PRR33: variants seen among roughly 807,000 people sequenced by gnomAD.
PRR33 encodes proline-rich protein 33.
PRR33 carries 1 observed loss-of-function variant against 0.5 expected under a neutral mutation model. The ratio of observed to expected loss-of-function variants is 2.18; its 90% confidence interval spans 0.77 to 10.34. PRR33 has a LOEUF of 10.34. Among genes scored for constraint, PRR33 ranks in the 30% most tolerant of loss-of-function variants. The pLI, the probability that PRR33 is intolerant of heterozygous loss-of-function variation, is 0.13. For missense variants in PRR33, 552 were observed against 251.8 expected, an observed-to-expected ratio of 2.19 and a Z score of -8.07; for synonymous variants, 226 against 110.0, an observed-to-expected ratio of 2.06 and a Z score of -6.60.
chr11:1,889,549 T>A, the PRR33 span: 1 of 612,678 alleles, frequency 1.6e-6, no homozygotes, highest in Non-Finnish European at 3.0e-6. Flanking sequence ...AGCAGCTGCT[T>A]CTTGAGCCAC....
upstream of PRR33, among the ~76,000 whole-genome samples, chr11:1,893,445 C>CTGGA (rs573701664): frequency 1.2e-3 from 169 of 141,338 alleles, 2 homozygotes; most frequent in East Asian, 7.7e-3. Flanking sequence ...GGCTGGCTGG[C>CTGGA]TGGCTGGATG....
At chr11:1,909,039 CATAA>C in the PRR33 span, among the ~76,000 whole-genome samples, 1,471 of 152,324 alleles carry the variant, frequency 9.7e-3, 18 homozygotes, top group African/African-American at 0.033. Flanking sequence ...TGCCAGTAGG[CATAA>C]ATAAAGTTAG....
the PRR33 span, among the ~76,000 whole-genome samples, chr11:1,900,190 G>T: frequency 2.6e-5 from 4 of 152,102 alleles, no homozygotes; most frequent in African/African-American, 7.2e-5. Context: ...CTTGATGCTG[G>T]ACTTATATCT....
At chr11:1,910,265 T>A in the PRR33 span, among the ~76,000 whole-genome samples, 86 of 152,322 alleles carry the variant, frequency 5.6e-4, no homozygotes, top group Middle Eastern at 6.8e-3. Flanking sequence ...GTGTTTTTTT[T>A]TTGAGACGGA....
chr11:1,911,945 G>T, the PRR33 span, among the ~76,000 whole-genome samples: 8 of 140,948 alleles, frequency 5.7e-5, no homozygotes, highest in South Asian at 1.4e-3. Flanking sequence ...AGGATCACTT[G>T]AGGCCTGGAG....
the PRR33 span, among the ~76,000 whole-genome samples, chr11:1,906,271 T>C: frequency 6.6e-6 from 1 of 152,196 alleles, no homozygotes; most frequent in Non-Finnish European, 1.5e-5. Context: ...TGCCTCCTTT[T>C]GCGTTCATGA....
the PRR33 span, among the ~76,000 whole-genome samples, chr11:1,899,634 C>A: frequency 1.3e-5 from 2 of 152,140 alleles, no homozygotes; most frequent in Non-Finnish European, 2.9e-5. Flanking sequence ...ACCTGCAACA[C>A]CCTTGACCAA....
At chr11:1,897,253 G>A in the PRR33 span, among the ~76,000 whole-genome samples, 5 of 152,282 alleles carry the variant, frequency 3.3e-5, no homozygotes, top group East Asian at 1.9e-4. The surrounding 1 kb of genome is among the most constrained non-coding windows in gnomAD (Gnocchi z 4.0). Flanking sequence ...GCAGCTTTAC[G>A]CCAAGCTTAA....
the PRR33 span, chr11:1,889,447 TG>T: frequency 1.5e-6 from 1 of 646,046 alleles, no homozygotes. Flanking sequence ...TCCTGCTCTG[TG>T]GGGGCAGGCA....
upstream of PRR33, among the ~76,000 whole-genome samples, chr11:1,894,077 T>TGTGAGA (rs1491211173): frequency 5.1e-4 from 2 of 3,928 alleles, no homozygotes; most frequent in African/African-American, 8.5e-4. Context: ...TGTGTGTGTG[T>TGTGAGA]GATAGGGCCT....
At chr11:1,889,085 C>G (rs1472180822) in exon 1 of PRR33, 2 of 588,950 alleles carry the variant, frequency 3.4e-6, no homozygotes, top group East Asian at 6.0e-5. Context: ...CCAGCTAGAG[C>G]CTCAGCCCCT....
the PRR33 span, among the ~76,000 whole-genome samples, chr11:1,898,515 G>C: frequency 5.7e-4 from 87 of 152,176 alleles, no homozygotes; most frequent in Non-Finnish European, 1.1e-3. Context: ...GATTACAGGC[G>C]TGAGCCACCA....
the PRR33 span, among the ~76,000 whole-genome samples, chr11:1,907,138 T>G: frequency 6.6e-6 from 1 of 152,242 alleles, no homozygotes; most frequent in Non-Finnish European, 1.5e-5. Context: ...TGCTGTTTGG[T>G]TGTTTCATTG....
the PRR33 span, among the ~76,000 whole-genome samples, chr11:1,906,806 C>T: frequency 2.6e-5 from 4 of 152,184 alleles, no homozygotes; most frequent in African/African-American, 2.4e-5. Flanking sequence ...CGCCTTGGGA[C>T]GTTTTCCCTG....
the PRR33 span, among the ~76,000 whole-genome samples, chr11:1,909,327 T>C: frequency 5.9e-5 from 9 of 151,540 alleles, no homozygotes; most frequent in East Asian, 9.9e-4. Context: ...AATACAGAAG[T>C]TGGGGCCGGG....
the PRR33 span, among the ~76,000 whole-genome samples, chr11:1,896,924 A>C: frequency 6.6e-6 from 1 of 152,268 alleles, no homozygotes; most frequent in Non-Finnish European, 1.5e-5. Context: ...AACAGAGTTT[A>C]ATTAAGCAAA....
chr11:1,889,114 G>A (rs1327113036), exon 1 of PRR33: 1 of 616,994 alleles, frequency 1.6e-6, no homozygotes, highest in South Asian at 1.9e-5. Context: ...CCATCCCATG[G>A]TCCTGGGCTC....
chr11:1,890,071 C>T lies in PRR33; in HGVS notation c.514G>A (p.Gly172Arg), dbSNP rs559342135. The T allele has an allele frequency of 1.2e-4, 89 of 713,598 alleles. 1 individual carries two copies. In the South Asian group the frequency reaches 1.3e-3, roughly 10 times the overall value. The allele number at this position is 713,598 out of a possible 1,614,324, so 44.2% of individuals were successfully genotyped here. A position where few individuals can be genotyped will look rare whatever the true frequency, so the allele number is the denominator to read the frequency against. The change falls in exon 1 of 1, where the codon GGG becomes AGG. Residue 172 changes from glycine to arginine, a missense_variant. Physicochemically the swap from Gly to Arg is moderately radical, Grantham distance 125 (BLOSUM62 -2). Transcript: ENST00000640310. The stretch of plus-strand genomic sequence containing the variant: ...TGGGTGACGTGGGTGCCCCCACCCC[C>T]AGAGACAGGGACGAAGCCACTGGGG...
At chr11:1,895,194 G>A (rs1326927480), upstream of PRR33, among the ~76,000 whole-genome samples, 3 of 151,650 alleles carry the variant, frequency 2.0e-5, no homozygotes, top group Non-Finnish European at 4.4e-5. Context: ...GTGCAGTGGC[G>A]CCATCTTGGC....
Sources: gnomAD v4.1 joint callset for allele counts (sites outside exome capture counted in the v4.1 genomes callset) on GRCh38, gnomAD v4.1.1 for gene constraint, Gnocchi (gnomAD v3.1) non-coding constraint, MANE v1.5 for transcripts, NCBI Gene and HGNC (gene_info 2026-07-23, HGNC 2026-07-21) for gene names.